SRBD1: variants seen among roughly 807,000 people sequenced by gnomAD.
The protein encoded by SRBD1 is S1 RNA-binding domain-containing protein 1.
In SRBD1, 88 loss-of-function variants were observed where a neutral mutation model predicts 115.3. That is an observed-to-expected ratio of 0.76 (90% CI 0.64 to 0.91). The LOEUF is 0.91. Among genes scored for constraint, SRBD1 ranks in the 40% least tolerant of loss-of-function variants. SRBD1 has a pLI of 0.00. For missense variants in SRBD1, 1,385 were observed against 1,177.4 expected, an observed-to-expected ratio of 1.18 and a Z score of -2.58; for synonymous variants, 509 against 407.7, an observed-to-expected ratio of 1.25 and a Z score of -2.99.
At chr2:45,410,714 G>C (rs1248117165) in intron 19 of SRBD1, among the ~76,000 whole-genome samples, 1 of 152,172 alleles carries the variant, frequency 6.6e-6, no homozygotes, top group African/African-American at 2.4e-5. Flanking sequence ...TCCAGGGAGG[G>C]GAGAAGGGCT....
chr2:45,480,846 A>T (rs1314381022), intron 15 of SRBD1, among the ~76,000 whole-genome samples: 1 of 152,142 alleles, frequency 6.6e-6, no homozygotes, highest in Non-Finnish European at 1.5e-5. Flanking sequence ...AATGGATAAT[A>T]TGGACTTCAA....
intron 2 of SRBD1, among the ~76,000 whole-genome samples, chr2:45,604,550 T>A (rs999179740): frequency 6.6e-6 from 1 of 152,158 alleles, no homozygotes; most frequent in East Asian, 1.9e-4. Flanking sequence ...GCCTCATGTC[T>A]CTAGACTGGC....
intron 16 of SRBD1, among the ~76,000 whole-genome samples, chr2:45,427,100 C>G (rs1668176985): frequency 6.6e-6 from 1 of 152,062 alleles, no homozygotes; most frequent in African/African-American, 2.4e-5. Flanking sequence ...ACTAAGAACC[C>G]TGAAAAAAGG....
Position 45,599,563 on chromosome 2 carries a change from C to G in SRBD1, c.534G>C (p.Gln178His), listed in dbSNP as rs1231900919. 4 of 1,614,112 alleles carry G rather than the reference C, an allele frequency of 2.5e-6. No homozygotes were observed. Among genetic ancestry groups the G allele is most frequent in the Non-Finnish European group, 3.4e-6 (4 of 1,180,052 alleles). ...EENDDDFTFG[Q>H]SALKKIKTET... is the part of the protein sequence containing the mutation. ...CAGTCTTGATTTTCTTTAAAGCGGA[C>G]TGACCAAATGTAAAGTCATCGTCAT... is the stretch of plus-strand genomic sequence containing the variant. The change falls in exon 4 of 21, where the codon CAG (glutamine) becomes CAC (histidine). Residue 178 changes from glutamine (Q) to histidine (H), a missense_variant. Coordinates refer to ENST00000263736, the MANE Select transcript of SRBD1 (RefSeq NM_018079.5).
intron 9 of SRBD1, among the ~76,000 whole-genome samples, chr2:45,565,100 CAATTGGCATGTTTTGTGGA>C (rs2104113244): frequency 6.6e-6 from 1 of 152,272 alleles, no homozygotes; most frequent in East Asian, 1.9e-4. Context: ...TATCAAATCC[CAATTGGCATGTTTTGTGGA>C]AACTGGTGAA....
At chr2:45,431,352 G>C (rs1054767677) in intron 16 of SRBD1, among the ~76,000 whole-genome samples, 17 of 152,070 alleles carry the variant, frequency 1.1e-4, no homozygotes, top group South Asian at 2.1e-4. Flanking sequence ...GTTTATTGCA[G>C]CACTATTCAC....
At chr2:45,477,225 T>A (rs1377196634) in intron 15 of SRBD1, 150 bp from the exon 16 acceptor site, 1 of 635,726 alleles carries the variant, frequency 1.6e-6, no homozygotes, top group African/African-American at 1.8e-5. Context: ...ATTTCAAAGT[T>A]CTCTTTTTTC....
At chr2:45,435,397 T>A (rs1668462646) in intron 16 of SRBD1, among the ~76,000 whole-genome samples, 1 of 151,896 alleles carries the variant, frequency 6.6e-6, no homozygotes, top group African/African-American at 2.4e-5. Flanking sequence ...AGAAACAGAC[T>A]GGAGGTTGGG....
intron 16 of SRBD1, among the ~76,000 whole-genome samples, chr2:45,459,331 G>A (rs1669244709): frequency 6.6e-6 from 1 of 152,144 alleles, no homozygotes; most frequent in Admixed American, 6.5e-5. Flanking sequence ...GGCAGGCAAT[G>A]GGCCTTCACT....
At chr2:45,478,953 A>C (rs1212594451) in intron 15 of SRBD1, among the ~76,000 whole-genome samples, 1 of 152,208 alleles carries the variant, frequency 6.6e-6, no homozygotes, top group Non-Finnish European at 1.5e-5. Context: ...TAGCATGGGC[A>C]CACTTCTGGT....
intron 14 of SRBD1, among the ~76,000 whole-genome samples, chr2:45,514,198 A>G (rs1361525539): frequency 6.6e-6 from 1 of 152,216 alleles, no homozygotes; most frequent in African/African-American, 2.4e-5. Context: ...CATCTCTAAG[A>G]AAAAGTACAT....
At chr2:45,593,866 T>G (rs768089370) in intron 4 of SRBD1, among the ~76,000 whole-genome samples, 1 of 151,712 alleles carries the variant, frequency 6.6e-6, no homozygotes, top group African/African-American at 2.4e-5. Flanking sequence ...ATCAGAAGAG[T>G]GGTTGTATGA....
Position 45,595,063 on chromosome 2 carries a change from C to T in SRBD1, c.648+4386G>A, listed in dbSNP as rs1370584976. On this transcript the variant is annotated intron_variant, in intron 4 of 20. Transcript: ENST00000263736. ...CCCCCCTGCTTAATTCATTAGAACA[C>T]TTATCCTATTTTATGAAATGAAGTG... 2.0e-5 allele frequency among the ~76,000 whole-genome samples: 3 copies of T among 152,198 alleles called. No homozygotes were observed. The South Asian group carries it at 6.2e-4, about 31-fold the overall frequency.
At chr2:45,508,710 T>C (rs1670870579) in intron 14 of SRBD1, among the ~76,000 whole-genome samples, 1 of 152,224 alleles carries the variant, frequency 6.6e-6, no homozygotes, top group African/African-American at 2.4e-5. Flanking sequence ...TAACTTTGAC[T>C]TTTTTATTCT....
chr2:45,562,836 T>C, intron 9 of SRBD1, 80 bp from the exon 10 acceptor site: 2 of 847,272 alleles, frequency 2.4e-6, no homozygotes, highest in Non-Finnish European at 3.6e-6. Flanking sequence ...CTGACAGCTA[T>C]ATGAATTTTT....
chr2:45,451,606 A>G (rs1483743835), intron 16 of SRBD1, among the ~76,000 whole-genome samples: 1 of 152,036 alleles, frequency 6.6e-6, no homozygotes, highest in Non-Finnish European at 1.5e-5. Flanking sequence ...CACAACAGCA[A>G]AAAGATTAAT....
intron 4 of SRBD1, among the ~76,000 whole-genome samples, chr2:45,598,338 G>T (rs891037240): frequency 2.0e-5 from 3 of 152,160 alleles, no homozygotes; most frequent in Admixed American, 2.0e-4. Context: ...TGACAGGCCA[G>T]GCGTGGTGGC....
At chr2:45,426,474 T>A (rs1471163205) in intron 16 of SRBD1, among the ~76,000 whole-genome samples, 1 of 152,130 alleles carries the variant, frequency 6.6e-6, no homozygotes, top group Non-Finnish European at 1.5e-5. Flanking sequence ...AAGCAGTGGA[T>A]CTCCCAGCAC....
intron 7 of SRBD1, among the ~76,000 whole-genome samples, 154 bp from the exon 8 acceptor site, chr2:45,574,877 C>T (rs1673129654): frequency 6.6e-6 from 1 of 152,158 alleles, no homozygotes; most frequent in South Asian, 2.1e-4. Flanking sequence ...ATACTAGCTT[C>T]CCTTTGTAAC....
Sources: allele counts gnomAD v4.1 joint callset (sites outside exome capture counted in the v4.1 genomes callset), GRCh38; gene constraint gnomAD v4.1.1; transcripts MANE v1.5; gene names NCBI Gene and HGNC (gene_info 2026-07-23, HGNC 2026-07-21).